RNF213: variants seen among roughly 807,000 people sequenced by gnomAD.
RNF213 encodes the protein ring finger protein 213.
A neutral mutation model predicts 514.4 loss-of-function variants in RNF213; 341 were observed. That is an observed-to-expected ratio of 0.66 (90% CI 0.61 to 0.73). The LOEUF is 0.73. RNF213 is among the 30% of genes least tolerant of loss of function. The pLI, the probability that RNF213 is intolerant of heterozygous loss-of-function variation, is 0.00. For synonymous variants in RNF213, 2,655 were observed against 2,658.2 expected (o/e 1.00, Z 0.04); for missense variants, 5,767 against 6,615.6 (o/e 0.87, Z 4.45).
At chr17:80,271,416 A>G (rs1220302369) in intron 2 of RNF213, among the ~76,000 whole-genome samples, 3 of 152,220 alleles carry the variant, frequency 2.0e-5, no homozygotes, top group African/African-American at 7.2e-5. Flanking sequence ...AGGAGAGGGC[A>G]GTGACGAAAC....
chr17:80,350,580 G>C (rs2078472846), intron 31 of RNF213, among the ~76,000 whole-genome samples, 184 bp downstream of exon 31: 1 of 152,176 alleles, frequency 6.6e-6, no homozygotes, highest in South Asian at 2.1e-4. Flanking sequence ...AAAAGAAAAG[G>C]CCAATAACAT....
In RNF213 at chr17:80,355,523, A is replaced by T. The variant is rs1025360595; in HGVS notation, c.10862+947A>T. Among the ~76,000 whole-genome samples the T allele has an allele frequency of 0.069, 526 of 7,592 alleles. 4 individuals carry two copies. The highest frequency in any genetic ancestry group is 0.16 in the East Asian group (67 of 422). The allele number at this position is 7,592 out of a possible 152,430, so 5.0% of individuals were successfully genotyped here. A position where few individuals can be genotyped will look rare whatever the true frequency, so the allele number is the denominator to read the frequency against. ...GGGGTGACCGGGAATGGGGGCTTAC[A>T]GGGGGAAGAAGCGGGGTGGACGGGA... On this transcript the variant is annotated intron_variant, in intron 36 of 67. Transcript: ENST00000582970.
chr17:80,349,109 G>T (rs1234847361), intron 29 of RNF213, among the ~76,000 whole-genome samples: 1 of 152,190 alleles, frequency 6.6e-6, no homozygotes, highest in East Asian at 1.9e-4. Flanking sequence ...GGGATGGGGG[G>T]TGGAGGGGTC....
At chr17:80,388,934 G>T in intron 64 of RNF213, 1 of 621,888 alleles carries the variant, frequency 1.6e-6, no homozygotes, top group Non-Finnish European at 2.9e-6. Context: ...GCCTGCTGAA[G>T]CGGGAAGTCC....
At chr17:80,368,456 A>C (rs8077511) in intron 44 of RNF213, among the ~76,000 whole-genome samples, 1,857 of 143,422 alleles carry the variant, frequency 0.013, 57 homozygotes, top group African/African-American at 0.046. Context: ...TTTTTGAGAC[A>C]GTGTTTCACT....
intron 17 of RNF213, among the ~76,000 whole-genome samples, chr17:80,323,177 G>C (rs2046191914): frequency 2.0e-5 from 3 of 152,138 alleles, no homozygotes; most frequent in Admixed American, 2.0e-4. Flanking sequence ...TGGCACTCTT[G>C]TCAAAAATCT....
At chr17:80,292,077 C>A in intron 8 of RNF213, 1 of 571,430 alleles carries the variant, frequency 1.7e-6, no homozygotes, top group Non-Finnish European at 3.1e-6. Flanking sequence ...CAGGAGGAAA[C>A]ATGCAAAGGA....
Position 80,383,944 on chromosome 17 carries a change from T to C in RNF213, c.14322+16T>C, listed in dbSNP as rs777987601. Reference sequence around the variant, plus strand: ...CCTGCAGAAGGTATGTCTGGCTTACTGTGGCTCCCTCCCTCTTTCGGTGCA... The same window carrying C: ...CCTGCAGAAGGTATGTCTGGCTTACCGTGGCTCCCTCCCTCTTTCGGTGCA... On this transcript the variant is annotated intron_variant, in intron 59 of 67. Transcript: ENST00000582970. The C allele has an allele frequency of 5.6e-6, 9 of 1,614,136 alleles. No homozygotes were observed. In the East Asian group the frequency reaches 1.6e-4, roughly 28 times the overall value.
chr17:80,343,838 C>T lies in RNF213; in HGVS notation c.6184-19C>T, dbSNP rs760131920. ...GCCATCGTGTCGTGTGTTTACACCT[C>T]GTGCGATTCTGTTCTTAGGTGCAGA... On this transcript the variant is annotated intron_variant, in intron 27 of 67. Transcript: ENST00000582970. This position sits in a 1 kb window ranked among gnomAD's most constrained non-coding sequence, Gnocchi z 4.3. The T allele has an allele frequency of 2.3e-5, 37 of 1,613,810 alleles. No homozygotes were observed. In the South Asian group the frequency reaches 3.1e-4, roughly 13 times the overall value.
chr17:80,318,730 C>T (rs1286212219), intron 16 of RNF213, among the ~76,000 whole-genome samples: 9 of 152,158 alleles, frequency 5.9e-5, no homozygotes, highest in African/African-American at 9.7e-5. Context: ...CCCGCCACCG[C>T]GCCCAGCTAT....
In RNF213 at chr17:80,395,439, G is replaced by A. The variant is rs1316306615; in HGVS notation, c.*1941G>A. 2 of 152,202 alleles carry A rather than the reference G, an allele frequency of 1.3e-5. No individual in the cohort carries two copies. Among genetic ancestry groups the A allele is most frequent in the Admixed American group, 6.5e-5 (1 of 15,278 alleles). The allele number at this position is 152,202 out of a possible 1,614,324, so 9.4% of individuals were successfully genotyped here. On this transcript the variant is annotated 3_prime_UTR_variant, in exon 68 of 68. Coordinates refer to ENST00000582970, the MANE Select transcript of RNF213 (RefSeq NM_001256071.3). ...CCATGAAGTAGTGTGTTCAGACTGTGCACACAGAAAACAGGCTCTGCCTTC... is the reference window on the plus strand; with the variant it reads ...CCATGAAGTAGTGTGTTCAGACTGTACACACAGAAAACAGGCTCTGCCTTC...
At chr17:80,342,391 C>T (rs998707232) in intron 26 of RNF213, among the ~76,000 whole-genome samples, 3 of 152,038 alleles carry the variant, frequency 2.0e-5, no homozygotes, top group Non-Finnish European at 4.4e-5. Context: ...GAGTAGGTAA[C>T]GGCTGGGAAA....
At chr17:80,280,616 A>G (rs1761593947) in intron 3 of RNF213, among the ~76,000 whole-genome samples, 1 of 151,794 alleles carries the variant, frequency 6.6e-6, no homozygotes, top group Non-Finnish European at 1.5e-5. Flanking sequence ...ACCACACCCA[A>G]TTAATTTTTA....
In RNF213 at chr17:80,376,385, G is replaced by A; in HGVS notation, c.13270G>A (p.Asp4424Asn). 4.3e-6 allele frequency: 7 copies of A among 1,614,206 alleles called. No homozygotes were observed. The highest frequency in any genetic ancestry group is 5.9e-6 in the Non-Finnish European group (7 of 1,180,034). The part of the protein sequence containing the change: ...DISRFATSLV[D>N]NSVPLLRAGP... ...CAGCCGTTTTGCAACATCGCTCGTG[G>A]ACAATTCTGTGCCATTGTTGAGGGC... The change falls in exon 52 of 68, where the codon GAC (aspartate) becomes AAC (asparagine). Residue 4424 changes from aspartate to asparagine, a missense_variant. Around this residue, in one of 13 missense-constraint regions of RNF213, gnomAD observed 1,245 missense variants for 1,339.0 expected, o/e 0.93. Coordinates refer to ENST00000582970, the MANE Select transcript of RNF213 (RefSeq NM_001256071.3).
In RNF213 at chr17:80,332,258, T is replaced by A; in HGVS notation, c.3770T>A (p.Leu1257Gln). The A allele has an allele frequency of 6.5e-7, 1 of 1,537,228 alleles. No individual in the cohort carries two copies. Among genetic ancestry groups the A allele is most frequent in the Non-Finnish European group, 8.7e-7 (1 of 1,146,914 alleles). ...GAGGACCAGGAAGCCGCAGAGTTGCTGAGTGAGCCCGAAGAAGAATCAGAA... is the reference window on the plus strand; with the variant it reads ...GAGGACCAGGAAGCCGCAGAGTTGCAGAGTGAGCCCGAAGAAGAATCAGAA... ...PKEDQEAAELLSEPEEESERH... is the reference protein window; with the variant it reads ...PKEDQEAAELQSEPEEESERH... Residue 1257 changes from leucine (L) to glutamine (Q), a missense_variant, in exon 21 of 68, where the codon CTG becomes CAG. By Grantham distance (113) the Leu-to-Gln change is moderately radical. Transcript: ENST00000582970.
intron 20 of RNF213, 57 bp from the exon 21 acceptor site, chr17:80,331,949 T>A: frequency 6.7e-7 from 1 of 1,497,006 alleles, no homozygotes; most frequent in Non-Finnish European, 8.9e-7. Context: ...GAAAGTGAAA[T>A]AAAATGGAAT....
chr17:80,346,514 C>A lies in RNF213; in HGVS notation c.8179C>A (p.Arg2727=). 6.2e-7 allele frequency: 1 copy of A among 1,613,628 alleles called. No individual in the cohort carries two copies. Among genetic ancestry groups the A allele is most frequent in the East Asian group, 2.2e-5 (1 of 44,886 alleles). Reference sequence around the variant, plus strand: ...CAGGCTGCTTCTGGATGAAATAACACGGGCACAGGATCTTTTTCTGGACGG... The same window carrying A: ...CAGGCTGCTTCTGGATGAAATAACAAGGGCACAGGATCTTTTTCTGGACGG... ...DSRLLLDEIT[R]AQDLFLDGVP... is the part of the protein sequence containing the mutation. Residue 2727 remains arginine, a synonymous_variant, in exon 29 of 68, where the codon CGG becomes AGG. Coordinates refer to ENST00000582970, the MANE Select transcript of RNF213 (RefSeq NM_001256071.3). This position sits in a 1 kb window ranked among gnomAD's most constrained non-coding sequence, Gnocchi z 8.1.
At chr17:80,318,307 T>C (rs1022274651) in intron 16 of RNF213, among the ~76,000 whole-genome samples, 2 of 152,166 alleles carry the variant, frequency 1.3e-5, no homozygotes, top group African/African-American at 4.8e-5. Flanking sequence ...CTTTGGGCCA[T>C]GGGTTTCAGG....
At chr17:80,363,506 C>T (rs892931009) in intron 40 of RNF213, 103 bp from the exon 41 acceptor site, 13 of 1,395,042 alleles carry the variant, frequency 9.3e-6, no homozygotes, top group Admixed American at 5.3e-5. Context: ...AAGTTTAGGT[C>T]GCAAGCCTGG....
Sources: gnomAD v4.1 joint callset for allele counts (sites outside exome capture counted in the v4.1 genomes callset) on GRCh38, gnomAD v4.1.1 for gene constraint, gnomAD v4.1.1 regional missense constraint, Gnocchi (gnomAD v3.1) non-coding constraint, MANE v1.5 for transcripts, NCBI Gene and HGNC (gene_info 2026-07-23, HGNC 2026-07-21) for gene names.